Variants in SLC6A9 observed in about 807,000 individuals in gnomAD.
SLC6A9 encodes sodium- and chloride-dependent glycine transporter 1.
SLC6A9 carries 31 observed loss-of-function variants against 70.9 expected under a neutral mutation model. The observed-to-expected ratio is 0.44, with a 90% confidence interval of 0.33 to 0.59. SLC6A9 has a LOEUF of 0.59. Among genes scored for constraint, SLC6A9 ranks in the 20% least tolerant of loss-of-function variants. SLC6A9 has a pLI of 0.04. For synonymous variants in SLC6A9, 310 were observed against 341.3 expected, an observed-to-expected ratio of 0.91 and a Z score of 1.01; for missense variants, 631 against 845.2, an observed-to-expected ratio of 0.75 and a Z score of 3.14.
rs1163624162 is a variant in SLC6A9 at position 44,002,476 on chromosome 1, C to A, written c.858+36G>T. On this transcript the variant is annotated intron_variant, in intron 7 of 13. Transcript: ENST00000372310. This position sits in a 1 kb window ranked among gnomAD's most constrained non-coding sequence, Gnocchi z 5.5. The stretch of plus-strand genomic sequence containing the variant: ...GCAGAGGCAGGCACCTCCCTGGCCC[C>A]TCCCCAGCCCCCTTCCGGTTTCCCT... The A allele has an allele frequency of 6.2e-7, 1 of 1,613,926 alleles. No homozygotes were observed.
intron 5 of SLC6A9, among the ~76,000 whole-genome samples, chr1:44,005,735 C>A (rs1013862309): frequency 1.3e-4 from 20 of 152,362 alleles, no homozygotes; most frequent in African/African-American, 4.8e-4. Context: ...TGCCTGGCAC[C>A]TAGTAGGTGC....
chr1:44,024,435 G>A (rs188566607), intron 1 of SLC6A9, 73 bp from the exon 2 acceptor site: 15 of 854,300 alleles, frequency 1.8e-5, no homozygotes, highest in Non-Finnish European at 2.3e-5. Context: ...AGGTAGTGCC[G>A]AGCCACCCAC....
chr1:44,010,953 C>T (rs1353214355), intron 2 of SLC6A9, 71 bp from the exon 3 acceptor site: 2 of 1,539,486 alleles, frequency 1.3e-6, no homozygotes, highest in African/African-American at 2.7e-5. Context: ...TGGGCCTCCC[C>T]CAGCAGGGAA....
intron 1 of SLC6A9, among the ~76,000 whole-genome samples, chr1:44,030,115 C>T (rs995177562): frequency 2.6e-5 from 4 of 152,020 alleles, no homozygotes; most frequent in African/African-American, 9.7e-5. Context: ...TTTAAGTATC[C>T]GCCGGCCCGA....
At chr1:43,998,984 G>GGT (rs1034041020) in intron 12 of SLC6A9, among the ~76,000 whole-genome samples, 5 of 150,178 alleles carry the variant, frequency 3.3e-5, no homozygotes, top group Admixed American at 6.6e-5. Flanking sequence ...GCGGGGGAAG[G>GGT]GGGGGGGCAG....
intron 1 of SLC6A9, among the ~76,000 whole-genome samples, chr1:44,027,345 G>T (rs1163247121): frequency 1.6e-4 from 24 of 152,156 alleles, no homozygotes. Flanking sequence ...TGGAAGATGG[G>T]GCTAACAGTA....
intron 9 of SLC6A9, 33 bp from the exon 10 acceptor site, chr1:44,001,331 C>T (rs1268921008): frequency 6.2e-7 from 1 of 1,613,996 alleles, no homozygotes; most frequent in Admixed American, 1.7e-5. Flanking sequence ...CGGAGACCTG[C>T]CCCTTGTTCC....
At chr1:44,015,190 C>A (rs1217329344) in intron 2 of SLC6A9, among the ~76,000 whole-genome samples, 1 of 152,228 alleles carries the variant, frequency 6.6e-6, no homozygotes, top group African/African-American at 2.4e-5. Flanking sequence ...AAAGCCTACT[C>A]CCAGAGCGAA....
At chr1:44,015,639 C>A (rs77388262) in intron 2 of SLC6A9, among the ~76,000 whole-genome samples, 1,610 of 152,364 alleles carry the variant, frequency 0.011, 30 homozygotes, top group African/African-American at 0.037. Context: ...GACCCCACGA[C>A]CTCCTTCCGG....
In SLC6A9 at chr1:44,023,407, C is replaced by T. The variant is rs182050247; in HGVS notation, c.30+841G>A. Among the ~76,000 whole-genome samples, 19 of 152,250 alleles carry T rather than the reference C, an allele frequency of 1.2e-4. No individual in the cohort carries two copies. The East Asian group carries it at 3.3e-3, about 26-fold the overall frequency. ...CCTGTAATCTCAGCACTTTGGAAGG[C>T]CGAGGCGTGTGGATCACCTAAGGTC... is the stretch of plus-strand genomic sequence containing the variant. On this transcript the variant is annotated intron_variant, in intron 2 of 13. Transcript: ENST00000372310.
chr1:44,024,491 T>A (rs988986436), intron 1 of SLC6A9, 129 bp from the exon 2 acceptor site: 8 of 582,596 alleles, frequency 1.4e-5, no homozygotes, highest in Non-Finnish European at 2.1e-5. Flanking sequence ...CATATCCTGC[T>A]CCTTTCTGGA....
chr1:44,011,360 C>T (rs1318878428), intron 2 of SLC6A9, among the ~76,000 whole-genome samples: 1 of 152,062 alleles, frequency 6.6e-6, no homozygotes. Context: ...CCTGGGCAGG[C>T]GACTGCGGGG....
At chr1:44,030,267 C>G (rs1322303717) in intron 1 of SLC6A9, among the ~76,000 whole-genome samples, 1 of 152,044 alleles carries the variant, frequency 6.6e-6, no homozygotes, top group East Asian at 1.9e-4. Flanking sequence ...GTTACATCAG[C>G]CGCCACGTGT....
At position 44,001,419 on chromosome 1, in the gene SLC6A9, T is replaced by A. The variant is rs770853407; in HGVS notation, c.1171A>T (p.Met391Leu). ...SPLWSLLFFF[M>L]LILLGLGTQF... ...GTGCCCAGCCCCAGCAGGATAAGCA[T>A]GAAGAAGAAGAGCAGAGACCACAGC... Residue 391 changes from methionine (M) to leucine (L), a missense_variant, in exon 9 of 14, where the codon ATG becomes TTG. By Grantham distance (15) the Met-to-Leu change is conservative (BLOSUM62 2). Transcript: ENST00000372310. 6.2e-7 allele frequency: 1 copy of A among 1,613,256 alleles called. No homozygotes were observed. The highest frequency in any genetic ancestry group is 1.3e-5 in the African/African-American group (1 of 74,812).
At chr1:44,005,644 C>T (rs6670336) in intron 5 of SLC6A9, among the ~76,000 whole-genome samples, 6,826 of 152,250 alleles carry the variant, frequency 0.045, 285 homozygotes, top group African/African-American at 0.12. Context: ...TCTGATACAG[C>T]GACTGCTGCC....
intron 1 of SLC6A9, among the ~76,000 whole-genome samples, chr1:44,027,933 C>A (rs1018654326): frequency 5.9e-5 from 9 of 152,262 alleles, no homozygotes; most frequent in Admixed American, 2.0e-4. Flanking sequence ...CGAGGTCACG[C>A]CATTGCACCC....
intron 2 of SLC6A9, among the ~76,000 whole-genome samples, chr1:44,016,207 G>T (rs1235384537): frequency 6.6e-6 from 1 of 152,296 alleles, no homozygotes; most frequent in African/African-American, 2.4e-5. Flanking sequence ...AAGACTGGAG[G>T]CAATGGTCAT....
intron 4 of SLC6A9, among the ~76,000 whole-genome samples, chr1:44,009,206 A>C (rs2086451813): frequency 6.8e-6 from 1 of 146,046 alleles, no homozygotes; most frequent in Admixed American, 6.8e-5. Flanking sequence ...TTGTATTTTT[A>C]GTAGAGATGG....
At chr1:44,015,471 T>TGAA (rs2086710059) in intron 2 of SLC6A9, among the ~76,000 whole-genome samples, 1 of 152,256 alleles carries the variant, frequency 6.6e-6, no homozygotes, top group South Asian at 2.1e-4. Context: ...GCTCATGGGA[T>TGAA]GAAGTCCCAT....
Sources: gnomAD v4.1 joint callset for allele counts (sites outside exome capture counted in the v4.1 genomes callset) on GRCh38, gnomAD v4.1.1 for gene constraint, Gnocchi (gnomAD v3.1) non-coding constraint, MANE v1.5 for transcripts, NCBI Gene and HGNC (gene_info 2026-07-23, HGNC 2026-07-21) for gene names.